MAGI2: variants seen among roughly 807,000 people sequenced by gnomAD.
The protein encoded by MAGI2 is membrane associated guanylate kinase, WW and PDZ domain containing 2.
MAGI2 carries 35 observed loss-of-function variants against 133.3 expected under a neutral mutation model. That is an observed-to-expected ratio of 0.26 (90% CI 0.20 to 0.35). The LOEUF is 0.35. MAGI2 is among the 10% of genes least tolerant of loss of function. MAGI2 has a pLI of 1.00. For missense variants in MAGI2, 1,636 were observed against 1,863.4 expected, an observed-to-expected ratio of 0.88 and a Z score of 2.25; for synonymous variants, 729 against 710.6, an observed-to-expected ratio of 1.03 and a Z score of -0.41.
intron 2 of MAGI2, among the ~76,000 whole-genome samples, chr7:78,957,702 G>A (rs1348229149): frequency 6.6e-6 from 1 of 152,098 alleles, no homozygotes; most frequent in South Asian, 2.1e-4. Context: ...GCATAGAGAG[G>A]TTAGGTAACT....
chr7:78,580,416 T>C (rs1802714349), intron 3 of MAGI2, among the ~76,000 whole-genome samples: 1 of 152,230 alleles, frequency 6.6e-6, no homozygotes, highest in African/African-American at 2.4e-5. Context: ...ACAATCCATG[T>C]AGAACAACTC....
chr7:78,058,350 C>G (rs973338893), intron 21 of MAGI2, among the ~76,000 whole-genome samples: 2 of 152,120 alleles, frequency 1.3e-5, no homozygotes, highest in African/African-American at 4.8e-5. Context: ...GCCTCCCTCC[C>G]CCCACTTTTC....
At chr7:79,149,086 A>AT in intron 1 of MAGI2, among the ~76,000 whole-genome samples, 1 of 144,456 alleles carries the variant, frequency 6.9e-6, no homozygotes, top group Non-Finnish European at 1.5e-5. Context: ...ATGGATATAT[A>AT]TTTTTATATG....
At chr7:78,664,958 T>C (rs1813387276) in intron 2 of MAGI2, among the ~76,000 whole-genome samples, 1 of 152,126 alleles carries the variant, frequency 6.6e-6, no homozygotes, top group African/African-American at 2.4e-5. Flanking sequence ...TACGTAGATA[T>C]AATAAAAACC....
At chr7:79,294,906 C>A (rs141429045) in intron 1 of MAGI2, among the ~76,000 whole-genome samples, 2,417 of 140,416 alleles carry the variant, frequency 0.017, 53 homozygotes, top group African/African-American at 0.06. Flanking sequence ...AATTTTTGTA[C>A]TTTTTTTTTT....
chr7:79,218,695 A>G (rs1453935264), intron 1 of MAGI2, among the ~76,000 whole-genome samples: 1 of 152,116 alleles, frequency 6.6e-6, no homozygotes, highest in Non-Finnish European at 1.5e-5. Flanking sequence ...TGGATTCAAA[A>G]TATTCAGCTC....
intron 2 of MAGI2, among the ~76,000 whole-genome samples, chr7:78,656,026 C>T (rs1454965483): frequency 6.7e-6 from 1 of 149,116 alleles, no homozygotes; most frequent in Non-Finnish European, 1.5e-5. Flanking sequence ...GAAAAAATTG[C>T]TATTGCACTT....
At chr7:78,024,167 C>A (rs180930952) in intron 21 of MAGI2, among the ~76,000 whole-genome samples, 1 of 152,306 alleles carries the variant, frequency 6.6e-6, no homozygotes, top group Non-Finnish European at 1.5e-5. Flanking sequence ...CATTCTCCTG[C>A]TTTTTATCCT....
Position 78,336,849 on chromosome 7 carries a change from G to A in MAGI2, c.1408+6929C>T, listed in dbSNP as rs529378636. On this transcript the variant is annotated intron_variant, in intron 9 of 21. Transcript: ENST00000354212. ...AGGATGCTCGCGAGTTTTTCTCTCA[G>A]GACACTTTCTTGTGATTTTACTAAT... 2.0e-5 allele frequency among the ~76,000 whole-genome samples: 3 copies of A among 152,256 alleles called. No homozygotes were observed. The East Asian group carries it at 5.8e-4, about 29-fold the overall frequency.
rs1343001457 is a variant in MAGI2 at position 79,028,275 on chromosome 7, ATG to A, written c.302-21071_302-21070del. ...TATATATATATATATATATGTATGT[ATG>A]TATATATATATATATGTGTGTATAT... On this transcript the variant is annotated intron_variant, in intron 1 of 21. Transcript: ENST00000354212. 2.2e-3 allele frequency among the ~76,000 whole-genome samples: 63 copies of A among 28,434 alleles called. 2 individuals carry two copies. Among genetic ancestry groups the A allele is most frequent in the African/African-American group, 3.8e-3 (37 of 9,818 alleles). The allele number at this position is 28,434 out of a possible 152,430, so 18.7% of individuals were successfully genotyped here. A position where few individuals can be genotyped will look rare whatever the true frequency, so the allele number is the denominator to read the frequency against.
intron 9 of MAGI2, among the ~76,000 whole-genome samples, chr7:78,298,813 T>A (rs1797561016): frequency 1.2e-5 from 1 of 82,380 alleles, no homozygotes; most frequent in Admixed American, 1.3e-4. Context: ...CCTAAACGTT[T>A]TTTTTTTTTT....
At position 78,926,044 on chromosome 7, in the gene MAGI2, G is replaced by A. The variant is rs76143143; in HGVS notation, c.418+81046C>T. 1.6e-4 allele frequency among the ~76,000 whole-genome samples: 25 copies of A among 151,910 alleles called. No individual in the cohort carries two copies. The East Asian group carries it at 4.1e-3, about 25-fold the overall frequency. The stretch of plus-strand genomic sequence containing the variant: ...CATTTTGTACATGTAAATCTTCACC[G>A]CTATTTCAAATCCAGCCGAATTTCT... On this transcript the variant is annotated intron_variant, in intron 2 of 21. Coordinates refer to ENST00000354212, the MANE Select transcript of MAGI2 (RefSeq NM_012301.4).
chr7:78,571,842 A>C (rs1801530551), intron 3 of MAGI2, among the ~76,000 whole-genome samples: 1 of 152,198 alleles, frequency 6.6e-6, no homozygotes, highest in Non-Finnish European at 1.5e-5. Context: ...TATCAAAAGC[A>C]AGACCTGGAA....
Position 78,836,516 on chromosome 7 carries a change from G to A in MAGI2, c.418+170574C>T, listed in dbSNP as rs149296882. 8.2e-3 allele frequency among the ~76,000 whole-genome samples: 1,255 copies of A among 152,188 alleles called. 20 individuals carry two copies. Among genetic ancestry groups the A allele is most frequent in the African/African-American group, 0.029 (1,184 of 41,534 alleles). On this transcript the variant is annotated intron_variant, in intron 2 of 21. Transcript: ENST00000354212. Reference sequence around the variant, plus strand: ...TTATTGATAGAGAGTACTGAGTAGCGAAGTTCAGATTCATAAAAATTAAAA... The same window carrying A: ...TTATTGATAGAGAGTACTGAGTAGCAAAGTTCAGATTCATAAAAATTAAAA...
chr7:78,131,938 G>A lies in MAGI2; in HGVS notation c.3203+951C>T, dbSNP rs537468317. On this transcript the variant is annotated intron_variant, in intron 18 of 21. Transcript: ENST00000354212. ...ATCCAGGCTGGAGTGTAATGGGAAC[G>A]TTCTCAGCTCACTGCAACCTCCGCC... Among the ~76,000 whole-genome samples, 6 of 152,236 alleles carry A rather than the reference G, an allele frequency of 3.9e-5. No homozygotes were observed. In the East Asian group the frequency reaches 7.7e-4, roughly 20 times the overall value.
At chr7:78,369,396 C>T (rs1230363154) in intron 6 of MAGI2, among the ~76,000 whole-genome samples, 183 bp from the exon 7 acceptor site, 1 of 151,990 alleles carries the variant, frequency 6.6e-6, no homozygotes, top group Non-Finnish European at 1.5e-5. Flanking sequence ...TGAAAACTGG[C>T]AGTTAAAACA....
chr7:79,200,909 T>C (rs765678943), intron 1 of MAGI2, among the ~76,000 whole-genome samples: 1 of 152,010 alleles, frequency 6.6e-6, no homozygotes, highest in Non-Finnish European at 1.5e-5. Flanking sequence ...ACCAATTAGA[T>C]ATAAATTGAG....
At chr7:78,668,745 G>C (rs321986) in intron 2 of MAGI2, among the ~76,000 whole-genome samples, 93,241 of 150,706 alleles carry the variant, frequency 0.62, 29,306 homozygotes, top group East Asian at 0.91. Context: ...TGCAATCAAA[G>C]TAGAACTCAG....
intron 1 of MAGI2, among the ~76,000 whole-genome samples, chr7:79,171,605 T>C (rs1323361380): frequency 6.6e-6 from 1 of 150,630 alleles, no homozygotes; most frequent in Admixed American, 6.7e-5. Flanking sequence ...CAAATAAATG[T>C]AAGAAATATA....
Sources: gnomAD v4.1 joint callset for allele counts (sites outside exome capture counted in the v4.1 genomes callset) on GRCh38, gnomAD v4.1.1 for gene constraint, MANE v1.5 for transcripts, NCBI Gene and HGNC (gene_info 2026-07-23, HGNC 2026-07-21) for gene names.